SUSD2: variants seen among roughly 807,000 people sequenced by gnomAD.
The protein encoded by SUSD2 is sushi domain-containing protein 2.
Under a neutral mutation model 93.8 loss-of-function variants are expected in SUSD2, and 86 were observed. That is an observed-to-expected ratio of 0.92 (90% CI 0.77 to 1.10). The LOEUF is 1.10. SUSD2 is among the 50% of genes least tolerant of loss of function. The probability of loss-of-function intolerance (pLI) is 0.00; values close to 1 mark genes in which losing one functional copy is unlikely to be tolerated. For synonymous variants in SUSD2, 483 were observed against 485.0 expected, an observed-to-expected ratio of 1.00 and a Z score of 0.05; for missense variants, 1,060 against 1,137.0, an observed-to-expected ratio of 0.93 and a Z score of 0.97.
chr22:24,183,529 G>A lies in SUSD2; in HGVS notation c.322G>A (p.Asp108Asn). The A allele has an allele frequency of 6.2e-7, 1 of 1,613,144 alleles. No homozygotes were observed. The highest frequency in any genetic ancestry group is 8.5e-7 in the Non-Finnish European group (1 of 1,179,974). Residue 108 changes from aspartate to asparagine, a missense_variant, in exon 3 of 15, where the codon GAC (aspartate) becomes AAC (asparagine). By Grantham distance (23) the Asp-to-Asn change is conservative (BLOSUM62 1). This residue lies in a region of SUSD2 where 973 missense variants were observed against 1,005.3 expected (regional missense o/e 0.97). Coordinates refer to ENST00000358321, the MANE Select transcript of SUSD2 (RefSeq NM_019601.4). Reference sequence around the variant, plus strand: ...CAGCATCCAGACCCTCGGCCATGTGGACTCCTCCGGGCAAGTGCACTGTGT... The same window carrying A: ...CAGCATCCAGACCCTCGGCCATGTGAACTCCTCCGGGCAAGTGCACTGTGT... ...KDSIQTLGHV[D>N]SSGQVHCVSP...
Position 24,184,756 on chromosome 22 carries a change from TCTCC to T in SUSD2, c.608-6_608-3del. 1 of 1,565,796 alleles carries T rather than the reference TCTCC, an allele frequency of 6.4e-7. No individual in the cohort carries two copies. Among genetic ancestry groups the T allele is most frequent in the East Asian group, 2.3e-5 (1 of 44,336 alleles). ...GAACCCCAGGGCTAACCAGGCATCC[TCTCC>T]CTCAGGAATGCCCTACTCACAGGAG... On this transcript the variant is annotated splice_polypyrimidine_tract_variant and splice_region_variant and intron_variant, in intron 4 of 14. Coordinates refer to ENST00000358321, the MANE Select transcript of SUSD2 (RefSeq NM_019601.4).
rs751646195 is a variant in SUSD2, at chr22:24,187,870, G to A, written c.2164+27G>A. 5.0e-5 allele frequency: 80 copies of A among 1,603,780 alleles called. No individual in the cohort carries two copies. In the Middle Eastern group the frequency reaches 1.2e-3, roughly 24 times the overall value. On this transcript the variant is annotated intron_variant, in intron 12 of 14. Coordinates refer to ENST00000358321, the MANE Select transcript of SUSD2 (RefSeq NM_019601.4). The stretch of plus-strand genomic sequence containing the variant: ...TGAGGGCGGGCAGGTGGGGGTGGGC[G>A]GGGAGCTGGGACAGGACCCCCCGGG...
intron 10 of SUSD2, 134 bp from the exon 11 acceptor site, chr22:24,187,068 C>T (rs2047371341): frequency 1.6e-6 from 2 of 1,234,480 alleles, no homozygotes; most frequent in Non-Finnish European, 2.2e-6. Flanking sequence ...CAGAATTGGC[C>T]CCGGGAACGC....
chr22:24,185,216 A>G lies in SUSD2; in HGVS notation c.905A>G (p.Gln302Arg). 6.2e-7 allele frequency: 1 copy of G among 1,610,686 alleles called. No individual in the cohort carries two copies. The change falls in exon 6 of 15, where the codon CAG becomes CGG. Residue 302 changes from glutamine (Q) to arginine (R), a missense_variant. This residue lies in a region of SUSD2 where 973 missense variants were observed against 1,005.3 expected (regional missense o/e 0.97). Transcript: ENST00000358321. ...QCQAWEELED[Q>R]LPNFLEELPD... ...CAGGCCTGGGAGGAGCTGGAGGATC[A>G]GCTGCCCAACTTCCTGGAGGAGCTG... is the stretch of plus-strand genomic sequence containing the variant.
At chr22:24,186,194 T>C in intron 9 of SUSD2, 35 bp downstream of exon 9, 1 of 1,608,822 alleles carries the variant, frequency 6.2e-7, no homozygotes, top group Non-Finnish European at 8.5e-7. Flanking sequence ...CTGGTTGGCA[T>C]GGGGTAGAAC....
rs1304888963 is a variant in SUSD2 at position 24,185,578 on chromosome 22, C to T, written c.1070+7C>T. The T allele has an allele frequency of 6.3e-7, 1 of 1,594,222 alleles. No homozygotes were observed. Among genetic ancestry groups the T allele is most frequent in the Non-Finnish European group, 8.5e-7 (1 of 1,171,048 alleles). Reference sequence around the variant, plus strand: ...TGCGTTCTGTGCAGGCCAGGTGAGCCCCCAGGCTGGGGCCGGTATGGGGAT... The same window carrying T: ...TGCGTTCTGTGCAGGCCAGGTGAGCTCCCAGGCTGGGGCCGGTATGGGGAT... On this transcript the variant is annotated splice_region_variant and intron_variant, in intron 7 of 14. Coordinates refer to ENST00000358321, the MANE Select transcript of SUSD2 (RefSeq NM_019601.4).
intron 10 of SUSD2, chr22:24,186,766 G>C (rs2047369046): frequency 2.4e-6 from 1 of 412,880 alleles, no homozygotes. Context: ...GCCCTGCACG[G>C]TTAAGGATGC....
Position 24,183,654 on chromosome 22 carries a change from C to T in SUSD2, c.439+8C>T, listed in dbSNP as rs373540655. 9.7e-5 allele frequency: 156 copies of T among 1,608,592 alleles called. No homozygotes were observed. The highest frequency in any genetic ancestry group is 1.3e-4 in the Non-Finnish European group (153 of 1,179,486). Reference sequence around the variant, plus strand: ...CGGGCACCTGGCTGGCTGGTGAGCCCTCCTCCCTGCCCACAGCCTGCCCCC... The same window carrying T: ...CGGGCACCTGGCTGGCTGGTGAGCCTTCCTCCCTGCCCACAGCCTGCCCCC... On this transcript the variant is annotated splice_region_variant and intron_variant, in intron 3 of 14. Transcript: ENST00000358321.
At chr22:24,185,400 G>A (rs2047355125) in intron 6 of SUSD2, 86 bp from the exon 7 acceptor site, 1 of 1,537,332 alleles carries the variant, frequency 6.5e-7, no homozygotes, top group Non-Finnish European at 8.8e-7. Context: ...GTGGGGCTGG[G>A]GTCTCAGGAC....
rs556824295 is a variant in SUSD2, at chr22:24,186,090, G to A, written c.1414G>A (p.Val472Met). The change falls in exon 9 of 15, where the codon GTG becomes ATG. Residue 472 changes from valine to methionine, a missense_variant. By Grantham distance (21) the Val-to-Met change is conservative. Around this residue, in one of 2 missense-constraint regions of SUSD2, gnomAD observed 973 missense variants for 1,005.3 expected, o/e 0.97. Transcript: ENST00000358321. Reference protein sequence around the residue: ...NFTFNGRGEYVLLEAALTDLR... With the variant: ...NFTFNGRGEYMLLEAALTDLR... ...CACATTCAATGGGCGCGGAGAGTAC[G>A]TGCTGCTGGAGGCAGCGCTGACCGA... 54 of 1,612,784 alleles carry A rather than the reference G, an allele frequency of 3.3e-5. No individual in the cohort carries two copies. Among genetic ancestry groups the A allele is most frequent in the African/African-American group, 6.7e-5 (5 of 75,060 alleles).
In SUSD2 at chr22:24,186,183, T is replaced by C. The variant is rs59150724; in HGVS notation, c.1483+24T>C. On this transcript the variant is annotated intron_variant, in intron 9 of 14. Coordinates refer to ENST00000358321, the MANE Select transcript of SUSD2 (RefSeq NM_019601.4). ...CGGTGAGGCCAGGGCTAGGGGCTGCTCTGGTTGGCATGGGGTAGAACCAAG... is the reference window on the plus strand; with the variant it reads ...CGGTGAGGCCAGGGCTAGGGGCTGCCCTGGTTGGCATGGGGTAGAACCAAG... 8 of 1,608,214 alleles carry C rather than the reference T, an allele frequency of 5.0e-6. No homozygotes were observed. In the South Asian group the frequency reaches 6.6e-5, roughly 13 times the overall value.
chr22:24,181,813 G>A (rs2047327591), intron 1 of SUSD2, among the ~76,000 whole-genome samples: 1 of 152,218 alleles, frequency 6.6e-6, no homozygotes, highest in Non-Finnish European at 1.5e-5. Flanking sequence ...CTGGTAGCTA[G>A]GAGGGAGGCG....
At chr22:24,182,701 G>T in intron 1 of SUSD2, 1 of 227,134 alleles carries the variant, frequency 4.4e-6, no homozygotes, top group Non-Finnish European at 8.7e-6. Context: ...AGCTACCGTG[G>T]CCCACTGAGG....
chr22:24,182,679 G>A (rs1275621299), intron 1 of SUSD2: 5 of 215,012 alleles, frequency 2.3e-5, no homozygotes, highest in Non-Finnish European at 4.7e-5. Flanking sequence ...GCCAAGAGAG[G>A]TCGAGGGCTC....
rs2047376134 is a variant in SUSD2, at chr22:24,187,423, C to T, written c.1864C>T (p.Gln622Ter). Residue 622 changes from glutamine (Q) to a stop codon, truncating the protein, a stop_gained, in exon 11 of 15, where the codon CAG (glutamine) becomes TAG (stop). Coordinates refer to ENST00000358321, the MANE Select transcript of SUSD2 (RefSeq NM_019601.4). LOFTEE classifies it high-confidence loss of function. The stretch of plus-strand genomic sequence containing the variant: ...CGTCCTGCCCCCAGGCACCAGTCCC[C>T]AGGAGCTGTTCCTGTTTGGGGCCAA... ...GRVLPPGTSP[Q>*]ELFLFGANWT... The T allele has an allele frequency of 3.1e-6, 5 of 1,613,270 alleles. 1 individual carries two copies. The South Asian group carries it at 4.4e-5, about 14-fold the overall frequency.
At chr22:24,181,632 G>C (rs1352946055) in intron 1 of SUSD2, 37 bp downstream of exon 1, 1 of 1,497,874 alleles carries the variant, frequency 6.7e-7, no homozygotes, top group Admixed American at 2.0e-5. Context: ...CCGTCTGTCT[G>C]TCCATCTGTC....
chr22:24,184,794 A>G lies in SUSD2; in HGVS notation c.636A>G (p.Ala212=). 6.2e-7 allele frequency: 1 copy of G among 1,608,718 alleles called. No individual in the cohort carries two copies. Residue 212 remains alanine, a synonymous_variant, in exon 5 of 15, where the codon GCA becomes GCG. Transcript: ENST00000358321. ...TGMPYSQEWT[A]KWSYLYPLAT... is the part of the protein sequence containing the mutation. Reference sequence around the variant, plus strand: ...TGCCCTACTCACAGGAGTGGACTGCAAAGTGGTCGTACCTGTACCCCCTGG... The same window carrying G: ...TGCCCTACTCACAGGAGTGGACTGCGAAGTGGTCGTACCTGTACCCCCTGG...
rs765491372 is a variant in SUSD2, at chr22:24,184,152, G to A, written c.456G>A (p.Val152=). The A allele has an allele frequency of 1.9e-6, 3 of 1,612,124 alleles. No homozygotes were observed. The highest frequency in any genetic ancestry group is 2.5e-6 in the Non-Finnish European group (3 of 1,179,942). Reference sequence around the variant, plus strand: ...CCTGCCCAGTGCACCCCAACAAAGTGTCAATGATGGAGAAGAGCGAGTTGG... The same window carrying A: ...CCTGCCCAGTGCACCCCAACAAAGTATCAATGATGGAGAAGAGCGAGTTGG... The part of the protein sequence containing the change: ...GTWLAVHPNK[V]SMMEKSELVN... The change falls in exon 4 of 15, where the codon GTG becomes GTA. Residue 152 remains valine (V), a synonymous_variant. Coordinates refer to ENST00000358321, the MANE Select transcript of SUSD2 (RefSeq NM_019601.4).
In SUSD2 at chr22:24,181,519, C is replaced by T. The variant is rs1233380003; in HGVS notation, c.-1C>T. 1.9e-6 allele frequency: 3 copies of T among 1,577,698 alleles called. No individual in the cohort carries two copies. Among genetic ancestry groups the T allele is most frequent in the Middle Eastern group, 1.7e-4 (1 of 5,952 alleles). Reference sequence around the variant, plus strand: ...TGCTGGCTGCAGACACAGGCTGCACCATGAAGCCAGCCCTCCTGCCCTGGG... The same window carrying T: ...TGCTGGCTGCAGACACAGGCTGCACTATGAAGCCAGCCCTCCTGCCCTGGG... On this transcript the variant is annotated 5_prime_UTR_variant, in exon 1 of 15. Coordinates refer to ENST00000358321, the MANE Select transcript of SUSD2 (RefSeq NM_019601.4).
Sources: gnomAD v4.1 joint callset for allele counts (sites outside exome capture counted in the v4.1 genomes callset) on GRCh38, gnomAD v4.1.1 for gene constraint, gnomAD v4.1.1 regional missense constraint, MANE v1.5 for transcripts, NCBI Gene and HGNC (gene_info 2026-07-23, HGNC 2026-07-21) for gene names.